Variants in DDX31 observed in about 807,000 individuals in gnomAD.
DDX31 encodes the protein ATP-dependent DNA helicase DDX31.
Under a neutral mutation model 91.3 loss-of-function variants are expected in DDX31, and 70 were observed. That is an observed-to-expected ratio of 0.77 (90% CI 0.63 to 0.94). DDX31 has a LOEUF of 0.94. Ranked by LOEUF, DDX31 falls within the 40% of genes least tolerant of loss-of-function variation. The pLI is 0.00. For missense variants in DDX31, 902 were observed against 925.0 expected (o/e 0.98, Z 0.32); for synonymous variants, 362 against 350.6 (o/e 1.03, Z -0.36).
chr9:132,650,130 G>T, intron 9 of DDX31, 104 bp downstream of exon 9: 1 of 1,117,670 alleles, frequency 8.9e-7, no homozygotes, highest in Non-Finnish European at 1.4e-6. Flanking sequence ...AGGAAGCAGA[G>T]CCTGAGACAA....
At chr9:132,665,984 T>A (rs2130864586) in intron 1 of DDX31, among the ~76,000 whole-genome samples, 1 of 152,356 alleles carries the variant, frequency 6.6e-6, no homozygotes. Context: ...TGCATCCTCT[T>A]TGCTTTAGAA....
At chr9:132,645,858 C>T (rs377745995) in intron 13 of DDX31, 37 bp downstream of exon 13, 34 of 1,582,452 alleles carry the variant, frequency 2.1e-5, no homozygotes, top group African/African-American at 5.4e-5. Flanking sequence ...CACGTGGGGC[C>T]GCAGTGTTGT....
chr9:132,659,573 TA>T (rs1834803048), intron 5 of DDX31, 136 bp downstream of exon 5: 4 of 718,498 alleles, frequency 5.6e-6, no homozygotes, highest in Non-Finnish European at 7.1e-6. Context: ...TTCAGGGCTC[TA>T]ATCAAAAGCA....
intron 18 of DDX31, 153 bp from the exon 19 acceptor site, chr9:132,612,408 G>C: frequency 5.2e-6 from 4 of 775,650 alleles, no homozygotes; most frequent in African/African-American, 1.8e-5. Context: ...CTAAAATCTA[G>C]ACTTCTGTGT....
intron 18 of DDX31, among the ~76,000 whole-genome samples, chr9:132,613,881 C>T (rs1159722118): frequency 3.3e-5 from 5 of 152,140 alleles, no homozygotes; most frequent in Non-Finnish European, 5.9e-5. Flanking sequence ...AGTGTCCACC[C>T]GCTTCTCACT....
At chr9:132,606,053 A>G (rs1233862732) in intron 19 of DDX31, among the ~76,000 whole-genome samples, 1 of 152,160 alleles carries the variant, frequency 6.6e-6, no homozygotes, top group Non-Finnish European at 1.5e-5. Flanking sequence ...AGGAGGCCGG[A>G]GGGATCAACA....
At chr9:132,632,253 C>T (rs1359153945) in intron 14 of DDX31, among the ~76,000 whole-genome samples, 162 bp from the exon 15 acceptor site, 1 of 103,650 alleles carries the variant, frequency 9.6e-6, no homozygotes, top group East Asian at 2.7e-4. Flanking sequence ...CACACACACA[C>T]ACACACACAC....
At chr9:132,650,678 A>T (rs1834129497) in intron 8 of DDX31, among the ~76,000 whole-genome samples, 1 of 152,210 alleles carries the variant, frequency 6.6e-6, no homozygotes, top group Non-Finnish European at 1.5e-5. Flanking sequence ...CTAATAAAAG[A>T]AAGGATGGAT....
intron 17 of DDX31, among the ~76,000 whole-genome samples, chr9:132,624,053 G>C (rs967609580): frequency 6.6e-6 from 1 of 151,342 alleles, no homozygotes; most frequent in African/African-American, 2.4e-5. Context: ...TGTAGTCCCA[G>C]CTGCTCAAGA....
chr9:132,605,148 A>G (rs987840760), intron 19 of DDX31, among the ~76,000 whole-genome samples: 5 of 152,160 alleles, frequency 3.3e-5, no homozygotes, highest in African/African-American at 1.2e-4. Flanking sequence ...CCTCCTTTTC[A>G]AGTCAGAACA....
intron 19 of DDX31, among the ~76,000 whole-genome samples, chr9:132,605,794 G>A (rs572456042): frequency 7.2e-4 from 110 of 152,288 alleles, no homozygotes; most frequent in African/African-American, 2.6e-3. Context: ...ATCAGCAAAG[G>A]CTGGGGGCCT....
intron 19 of DDX31, among the ~76,000 whole-genome samples, chr9:132,598,280 C>A (rs765688284): frequency 1.3e-5 from 2 of 152,184 alleles, no homozygotes; most frequent in African/African-American, 4.8e-5. Context: ...CCCAAGCATG[C>A]GATGGGCACT....
chr9:132,637,701 A>C (rs2130714866), intron 14 of DDX31, among the ~76,000 whole-genome samples: 1 of 152,354 alleles, frequency 6.6e-6, no homozygotes, highest in South Asian at 2.1e-4. Flanking sequence ...AGAGTGCAGA[A>C]GCTGTCAGAG....
At chr9:132,624,017 A>G (rs1371154948) in intron 17 of DDX31, among the ~76,000 whole-genome samples, 3 of 152,016 alleles carry the variant, frequency 2.0e-5, no homozygotes, top group African/African-American at 4.8e-5. Context: ...ATACGAAAAA[A>G]TTAGCTGGGC....
At chr9:132,600,452 G>C (rs1320765318) in intron 19 of DDX31, among the ~76,000 whole-genome samples, 1 of 152,178 alleles carries the variant, frequency 6.6e-6, no homozygotes, top group Admixed American at 6.5e-5. Context: ...CTTCAGCTTT[G>C]TGCCAAAGAT....
intron 19 of DDX31, among the ~76,000 whole-genome samples, chr9:132,597,614 A>T (rs1830508317): frequency 6.6e-6 from 1 of 152,220 alleles, no homozygotes. Flanking sequence ...GGAGTGACTG[A>T]TACACTAATT....
chr9:132,620,141 C>T (rs991927979), intron 17 of DDX31, among the ~76,000 whole-genome samples: 2 of 151,888 alleles, frequency 1.3e-5, no homozygotes, highest in Non-Finnish European at 1.5e-5. Context: ...TCTCCGAATC[C>T]CTCTGTTGGT....
At chr9:132,638,027 A>T in intron 14 of DDX31, 1 of 1,154,590 alleles carries the variant, frequency 8.7e-7, no homozygotes, top group Non-Finnish European at 1.1e-6. Context: ...GGAAAAAAAT[A>T]CGGAGAAGGT....
chr9:132,645,856 G>C, intron 13 of DDX31, 39 bp downstream of exon 13: 5 of 1,580,692 alleles, frequency 3.2e-6, no homozygotes, highest in Non-Finnish European at 4.3e-6. Context: ...TCCACGTGGG[G>C]CCGCAGTGTT....
Sources: allele counts gnomAD v4.1 joint callset (sites outside exome capture counted in the v4.1 genomes callset), GRCh38; gene constraint gnomAD v4.1.1; transcripts MANE v1.5; gene names NCBI Gene and HGNC (gene_info 2026-07-23, HGNC 2026-07-21).